The following MAD2L2 variants were observed in gnomAD, a reference collection of about 807,000 sequenced individuals.
The protein encoded by MAD2L2 is mitotic arrest deficient 2 like 2.
A neutral mutation model predicts 30.5 loss-of-function variants in MAD2L2; 17 were observed. The observed-to-expected ratio is 0.56, with a 90% CI of 0.38 to 0.84. MAD2L2 has a LOEUF of 0.84. Among genes scored for constraint, MAD2L2 ranks in the 40% least tolerant of loss-of-function variants. The pLI is 0.00. For synonymous variants in MAD2L2, 101 were observed against 113.9 expected (o/e 0.89, Z 0.72); for missense variants, 213 against 277.4 (o/e 0.77, Z 1.65).
rs1640777806 is a variant in MAD2L2 at position 11,676,871 on chromosome 1, G to C, written c.309C>G (p.Thr103=). 6.2e-7 allele frequency: 1 copy of C among 1,613,936 alleles called. No homozygotes were observed. Among genetic ancestry groups the C allele is most frequent in the South Asian group, 1.1e-5 (1 of 91,088 alleles). The change falls in exon 5 of 9, where the codon ACC becomes ACG. Residue 103 remains threonine (T), a synonymous_variant. Coordinates refer to ENST00000376692, the MANE Select transcript of MAD2L2 (RefSeq NM_006341.4). ...ACCTGATGGACAGCAGTGGAGGCTGGGTGATCTCAAAGACGAATTTCTCCA... is the reference window on the plus strand; with the variant it reads ...ACCTGATGGACAGCAGTGGAGGCTGCGTGATCTCAAAGACGAATTTCTCCA... ...RPVEKFVFEI[T]QPPLLSISSD... is the part of the protein sequence containing the mutation.
rs557189556 is a variant in MAD2L2, at chr1:11,677,326, TCCCAGGCCCAAGGCACC to T, written c.231+200_231+216del. On this transcript the variant is annotated intron_variant, in intron 4 of 8. Coordinates refer to ENST00000376692, the MANE Select transcript of MAD2L2 (RefSeq NM_006341.4). ...ACTTAGAGCCAGCTCCAACCCGGGC[TCCCAGGCCCAAGGCACC>T]CTGAACATGGCCCGCATGCCTTGGG... 13 of 604,264 alleles carry T rather than the reference TCCCAGGCCCAAGGCACC, an allele frequency of 2.2e-5. No individual in the cohort carries two copies. In the East Asian group the frequency reaches 3.0e-4, roughly 14 times the overall value. 37.4% of individuals were successfully genotyped at this position (604,264 alleles called of 1,614,324 possible).
chr1:11,680,799 GC>G, intron 1 of MAD2L2, 186 bp from the exon 2 acceptor site: 1 of 1,299,894 alleles, frequency 7.7e-7, no homozygotes, highest in Non-Finnish European at 9.8e-7. Flanking sequence ...GGGGGCATCA[GC>G]CTCTATCCAC....
intron 3 of MAD2L2, among the ~76,000 whole-genome samples, chr1:11,679,150 C>T (rs549608330): frequency 8.4e-4 from 128 of 152,030 alleles, no homozygotes; most frequent in Non-Finnish European, 1.2e-3. Flanking sequence ...GGCGACAGAG[C>T]GAGACTCAGT....
intron 7 of MAD2L2, among the ~76,000 whole-genome samples, 189 bp from the exon 8 acceptor site, chr1:11,675,363 C>T (rs543399348): frequency 1.3e-5 from 2 of 152,264 alleles, no homozygotes; most frequent in Admixed American, 6.5e-5. Context: ...ACCCAAGTGA[C>T]GAACAGGCTC....
intron 1 of MAD2L2, among the ~76,000 whole-genome samples, chr1:11,686,626 C>T (rs918328454): frequency 6.6e-6 from 1 of 152,130 alleles, no homozygotes; most frequent in East Asian, 1.9e-4. Flanking sequence ...TGGCCTCGAA[C>T]TCCTGACCCC....
chr1:11,691,123 G>A (rs972049031), intron 1 of MAD2L2, among the ~76,000 whole-genome samples: 2 of 152,124 alleles, frequency 1.3e-5, no homozygotes, highest in Admixed American at 6.5e-5. Flanking sequence ...CACTTTCTGC[G>A]GCTACAAAGG....
At chr1:11,680,274 G>C in intron 3 of MAD2L2, 79 bp downstream of exon 3, 1 of 558,788 alleles carries the variant, frequency 1.8e-6, no homozygotes, top group Non-Finnish European at 2.7e-6. Context: ...AGGATTACAG[G>C]CGTGAGCCAC....
At position 11,687,334 on chromosome 1, in the gene MAD2L2, G is replaced by A. The variant is rs1011691558; in HGVS notation, c.-692+4079C>T. ...GGCTCAATGAAATCTCTGCCTCCCC[G>A]ATTCAAGCGATTCTCCTGCCTCAGC... On this transcript the variant is annotated intron_variant, in intron 1 of 10. Transcript: ENST00000235310. This position sits in a 1 kb window ranked among gnomAD's most constrained non-coding sequence, Gnocchi z 4.1. Among the ~76,000 whole-genome samples, 6 of 152,256 alleles carry A rather than the reference G, an allele frequency of 3.9e-5. No individual in the cohort carries two copies. Among genetic ancestry groups the A allele is most frequent in the African/African-American group, 4.8e-5 (2 of 41,554 alleles).
intron 1 of MAD2L2, 177 bp downstream of exon 1, chr1:11,680,862 G>T (rs1640862707): frequency 2.8e-6 from 3 of 1,087,110 alleles, no homozygotes; most frequent in Non-Finnish European, 3.5e-6. Context: ...AAAGACCACA[G>T]CTGTGCCCCC....
At chr1:11,691,449 G>A (rs934848371) in exon 1 of MAD2L2, 1 of 152,380 alleles carries the variant, frequency 6.6e-6, no homozygotes, top group South Asian at 2.1e-4. Context: ...GTGCCCGCAC[G>A]GCTGCTGGGC....
chr1:11,687,463 C>T lies in MAD2L2; in HGVS notation c.-692+3950G>A, dbSNP rs1250738336. 6.6e-6 allele frequency among the ~76,000 whole-genome samples: 1 copy of T among 152,218 alleles called. No individual in the cohort carries two copies. Among genetic ancestry groups the T allele is most frequent in the Non-Finnish European group, 1.5e-5 (1 of 68,052 alleles). The stretch of plus-strand genomic sequence containing the variant: ...CCATATTGGCCAGGCTGGTCTCGAA[C>T]TCCTGACCTCAGGTGACCCACCTAC... On this transcript the variant is annotated intron_variant, in intron 1 of 10. Coordinates refer to the MAD2L2 transcript ENST00000235310. This position sits in a 1 kb window ranked among gnomAD's most constrained non-coding sequence, Gnocchi z 4.1.
upstream of MAD2L2, among the ~76,000 whole-genome samples, chr1:11,683,208 C>T (rs370585117): frequency 6.0e-4 from 92 of 152,266 alleles, 1 homozygote; most frequent in African/African-American, 1.9e-3. Flanking sequence ...TCAGGCCCTC[C>T]CTCCATGAGC....
chr1:11,676,789 G>T, intron 5 of MAD2L2, 59 bp downstream of exon 5: 2 of 1,349,006 alleles, frequency 1.5e-6, no homozygotes, highest in South Asian at 1.2e-5. Flanking sequence ...AAAGGGGTGG[G>T]TGTGTTGCCA....
chr1:11,689,034 C>T (rs1276829811), intron 1 of MAD2L2, among the ~76,000 whole-genome samples: 1 of 152,102 alleles, frequency 6.6e-6, no homozygotes, highest in Admixed American at 6.5e-5. Context: ...ACTGGCTTAC[C>T]CCTGTAACCC....
chr1:11,683,792 A>G (rs1034994431), upstream of MAD2L2, among the ~76,000 whole-genome samples: 1 of 152,116 alleles, frequency 6.6e-6, no homozygotes, highest in African/African-American at 2.4e-5. Context: ...ACCAACATGG[A>G]GAAACCCCAT....
chr1:11,681,750 C>G (rs952958488), upstream of MAD2L2: 16 of 152,268 alleles, frequency 1.1e-4, no homozygotes, highest in African/African-American at 3.6e-4. Context: ...TTTTGGAGCT[C>G]CAGCCGAGTG....
chr1:11,675,600 G>T, intron 7 of MAD2L2, 58 bp downstream of exon 7: 2 of 1,553,228 alleles, frequency 1.3e-6, no homozygotes, highest in South Asian at 2.2e-5. Context: ...TGCCCGCCTG[G>T]AACTGCGACA....
chr1:11,690,618 A>C lies in MAD2L2; in HGVS notation c.-692+795T>G, dbSNP rs2100723848. Among the ~76,000 whole-genome samples the C allele has an allele frequency of 6.6e-6, 1 of 152,322 alleles. No individual in the cohort carries two copies. The highest frequency in any genetic ancestry group is 1.9e-4 in the East Asian group (1 of 5,184). ...ATAATTTGCCACACGCTGGAGAAAG[A>C]AAACAGTCGAAATGGAAGCCACCTG... On this transcript the variant is annotated intron_variant, in intron 1 of 10. Coordinates refer to the MAD2L2 transcript ENST00000235310. The surrounding 1 kb of genome is among the most constrained non-coding windows in gnomAD (Gnocchi z 4.2).
intron 1 of MAD2L2, among the ~76,000 whole-genome samples, chr1:11,686,790 C>T (rs1207742695): frequency 7.2e-6 from 1 of 139,522 alleles, no homozygotes; most frequent in African/African-American, 2.8e-5. Flanking sequence ...ACTTTTGATC[C>T]AGCTCAACTG....
Sources: allele counts gnomAD v4.1 joint callset (sites outside exome capture counted in the v4.1 genomes callset), GRCh38; gene constraint gnomAD v4.1.1; non-coding constraint Gnocchi (gnomAD v3.1); transcripts MANE v1.5; gene names NCBI Gene and HGNC (gene_info 2026-07-23, HGNC 2026-07-21).